The following GLIS2 variants were observed in gnomAD, a reference collection of about 807,000 sequenced individuals.
GLIS2 encodes zinc finger protein GLIS2.
Under a neutral mutation model 35.6 loss-of-function variants are expected in GLIS2, and 14 were observed. The ratio of observed to expected loss-of-function variants is 0.39; its 90% CI spans 0.26 to 0.61. The LOEUF is 0.61. Ranked by LOEUF, GLIS2 falls within the 20% of genes least tolerant of loss-of-function variation. The pLI, the probability that GLIS2 is intolerant of heterozygous loss-of-function variation, is 0.48. For missense variants in GLIS2, 675 were observed against 713.4 expected, an observed-to-expected ratio of 0.95 and a Z score of 0.61; for synonymous variants, 368 against 325.1, an observed-to-expected ratio of 1.13 and a Z score of -1.42.
At chr16:4,333,031 C>CTGACAGGG (rs1301829815) in intron 2 of GLIS2, among the ~76,000 whole-genome samples, 3 of 152,178 alleles carry the variant, frequency 2.0e-5, no homozygotes, top group Admixed American at 2.0e-4. Flanking sequence ...ACCTGCCCGT[C>CTGACAGGG]TGACAGGGAC....
In GLIS2 at chr16:4,335,549, T is replaced by C. The variant is rs979128981; in HGVS notation, c.775+156T>C. 6.6e-6 allele frequency among the ~76,000 whole-genome samples: 1 copy of C among 152,164 alleles called. No homozygotes were observed. Among genetic ancestry groups the C allele is most frequent in the Non-Finnish European group, 1.5e-5 (1 of 68,024 alleles). On this transcript the variant is annotated intron_variant, in intron 6 of 6. Coordinates refer to ENST00000433375, the MANE Select transcript of GLIS2 (RefSeq NM_032575.3). This position sits in a 1 kb window ranked among gnomAD's most constrained non-coding sequence, Gnocchi z 4.6. ...CCAGGGGTCCCTTTTCCAATGCAGT[T>C]TGCTAGGGGAAGCATCCCCTGGGGG...
At chr16:4,317,461 G>A (rs921153106) in intron 1 of GLIS2, among the ~76,000 whole-genome samples, 1 of 152,150 alleles carries the variant, frequency 6.6e-6, no homozygotes, top group Non-Finnish European at 1.5e-5. Flanking sequence ...GCGCTTCGGA[G>A]GGCCTTCCAG....
intron 3 of GLIS2, among the ~76,000 whole-genome samples, chr16:4,334,016 C>T (rs1341071469): frequency 6.6e-6 from 1 of 152,194 alleles, no homozygotes. Context: ...GATCTCAGCT[C>T]ACTGCAACCT....
chr16:4,334,708 GTC>G (rs1233195390), intron 3 of GLIS2, 91 bp from the exon 4 acceptor site: 112 of 1,466,022 alleles, frequency 7.6e-5, no homozygotes, highest in Middle Eastern at 3.5e-4. Flanking sequence ...GGACCTGAAT[GTC>G]TCTGTTTGGG....
chr16:4,337,244 C>G lies in GLIS2; in HGVS notation c.1295C>G (p.Ser432Cys). ...GAGGLGLPVV[S>C]LLAGAAGGKA... ...GGCGGACTGGGCTTGCCTGTGGTCT[C>G]CCTCCTTGCTGGCGCAGCTGGTGGC... Residue 432 changes from serine to cysteine, a missense_variant, in exon 7 of 7, where the codon TCC becomes TGC. Ser to Cys is a moderately radical substitution (Grantham distance 112). Transcript: ENST00000433375. 1 of 1,548,310 alleles carries G rather than the reference C, an allele frequency of 6.5e-7. No homozygotes were observed. The highest frequency in any genetic ancestry group is 1.4e-5 in the African/African-American group (1 of 73,132).
rs145556107 is a variant in GLIS2, at chr16:4,322,591, C to T, written c.-67+6337C>T. On this transcript the variant is annotated intron_variant, in intron 1 of 6. Transcript: ENST00000433375. ...TCACCCCATATCCATGAGGCTGACC[C>T]GGATCTGTGCCCAACCCCCTGCAGG... Among the ~76,000 whole-genome samples the T allele has an allele frequency of 7.4e-3, 1,120 of 152,280 alleles. 21 individuals are homozygous for T. The highest frequency in any genetic ancestry group is 0.025 in the African/African-American group (1,058 of 41,554).
chr16:4,333,813 T>C (rs567520201), intron 3 of GLIS2, among the ~76,000 whole-genome samples: 4 of 152,208 alleles, frequency 2.6e-5, no homozygotes, highest in East Asian at 3.9e-4. Flanking sequence ...TGGTTTCTCT[T>C]ATAAAGACAC....
intron 1 of GLIS2, among the ~76,000 whole-genome samples, chr16:4,318,648 G>A (rs1173162428): frequency 6.6e-6 from 1 of 152,178 alleles, no homozygotes; most frequent in Non-Finnish European, 1.5e-5. Flanking sequence ...CCCTTCTTGG[G>A]GCCTGGAGGG....
At chr16:4,336,659 G>A (rs2053554309) in intron 6 of GLIS2, 66 bp from the exon 7 acceptor site, 2 of 1,476,882 alleles carry the variant, frequency 1.4e-6, no homozygotes, top group East Asian at 4.9e-5. Flanking sequence ...AATGTTGAGT[G>A]CATGGGGTGA....
At chr16:4,328,256 T>C (rs2053459466) in intron 1 of GLIS2, 1 of 152,330 alleles carries the variant, frequency 6.6e-6, no homozygotes, top group Non-Finnish European at 1.5e-5. Context: ...TCATGGGCAC[T>C]CACTCAGGGT....
In GLIS2 at chr16:4,339,550, T is replaced by C. The variant is rs930254560; in HGVS notation, c.*2026T>C. 6.6e-6 allele frequency: 1 copy of C among 152,412 alleles called. No individual in the cohort carries two copies. The highest frequency in any genetic ancestry group is 2.4e-5 in the African/African-American group (1 of 41,446). The allele number at this position is 152,412 out of a possible 1,614,324, so 9.4% of individuals were successfully genotyped here. A position where few individuals can be genotyped will look rare whatever the true frequency, so the allele number is the denominator to read the frequency against. On this transcript the variant is annotated 3_prime_UTR_variant, in exon 7 of 7. Transcript: ENST00000433375. ...ATGACTATAACAATATATTCCTCCATGGGAGAGGAAGTTTATAAAGAAACA... is the reference window on the plus strand; with the variant it reads ...ATGACTATAACAATATATTCCTCCACGGGAGAGGAAGTTTATAAAGAAACA...
chr16:4,335,201 G>A lies in GLIS2; in HGVS notation c.656+8G>A. ...CCGAGGTTTCAACGCCAGGTGAGGT[G>A]GGGGAGAGAGGGGTAGAGGGAGGAC... On this transcript the variant is annotated splice_region_variant and intron_variant, in intron 5 of 6. Coordinates refer to ENST00000433375, the MANE Select transcript of GLIS2 (RefSeq NM_032575.3). The surrounding 1 kb of genome is among the most constrained non-coding windows in gnomAD (Gnocchi z 4.6). 1 of 1,613,502 alleles carries A rather than the reference G, an allele frequency of 6.2e-7. No homozygotes were observed. Among genetic ancestry groups the A allele is most frequent in the South Asian group, 1.1e-5 (1 of 91,090 alleles).
At position 4,332,358 on chromosome 16, in the gene GLIS2, G is replaced by A. The variant is rs2053506200; in HGVS notation, c.78G>A (p.Arg26=). 1 of 1,613,144 alleles carries A rather than the reference G, an allele frequency of 6.2e-7. No individual in the cohort carries two copies. The highest frequency in any genetic ancestry group is 8.5e-7 in the Non-Finnish European group (1 of 1,180,022). ...KLRAAREKRE[R]TLGVVRPRAL... ...GGGCGGCAAGAGAGAAGCGGGAGAG[G>A]ACGCTGGGTGTGGTCCGGCCCCGTG... The change falls in exon 2 of 7, where the codon AGG becomes AGA. Residue 26 remains arginine (R), a synonymous_variant. Coordinates refer to ENST00000433375, the MANE Select transcript of GLIS2 (RefSeq NM_032575.3). This position sits in a 1 kb window ranked among gnomAD's most constrained non-coding sequence, Gnocchi z 5.4.
intron 1 of GLIS2, among the ~76,000 whole-genome samples, chr16:4,319,825 CCTGGGTGAGG>C (rs1283140439): frequency 6.6e-6 from 1 of 152,158 alleles, no homozygotes. Flanking sequence ...CGGCTTAGCC[CCTGGGTGAGG>C]CTGGGCAGGC....
intron 1 of GLIS2, among the ~76,000 whole-genome samples, chr16:4,323,579 C>T (rs56319782): frequency 0.011 from 1,697 of 152,278 alleles, 50 homozygotes; most frequent in East Asian, 0.096. Flanking sequence ...CGTGTGTGTG[C>T]CGGGGCTCCC....
chr16:4,319,248 G>A (rs1398995783), intron 1 of GLIS2, among the ~76,000 whole-genome samples: 1 of 152,168 alleles, frequency 6.6e-6, no homozygotes, highest in African/African-American at 2.4e-5. Context: ...GACCACAGGG[G>A]AACCCCGGAA....
chr16:4,337,372 C>G lies in GLIS2; in HGVS notation c.1423C>G (p.Pro475Ala). The part of the protein sequence containing the change: ...LERTESSCSR[P>A]SPDGLPLLPG... ...AAGGACGGAGAGCAGCTGCTCCCGG[C>G]CAAGCCCCGATGGACTCCCCCTGCT... The change falls in exon 7 of 7, where the codon CCA becomes GCA. Residue 475 changes from proline to alanine, a missense_variant. Transcript: ENST00000433375. The G allele has an allele frequency of 6.3e-7, 1 of 1,593,192 alleles. No individual in the cohort carries two copies. The highest frequency in any genetic ancestry group is 1.1e-5 in the South Asian group (1 of 87,890).
chr16:4,327,141 G>C (rs577266265), intron 1 of GLIS2, among the ~76,000 whole-genome samples: 1 of 151,276 alleles, frequency 6.6e-6, no homozygotes, highest in South Asian at 2.1e-4. Context: ...GGATTCTCCT[G>C]CCTCGGCCTC....
intron 2 of GLIS2, 66 bp from the exon 3 acceptor site, chr16:4,333,281 G>A (rs573859963): frequency 6.3e-7 from 1 of 1,583,884 alleles, no homozygotes; most frequent in East Asian, 2.2e-5. Context: ...GGGGTTCGGA[G>A]GCAGGAGTAC....
Sources: allele counts gnomAD v4.1 joint callset (sites outside exome capture counted in the v4.1 genomes callset), GRCh38; gene constraint gnomAD v4.1.1; non-coding constraint Gnocchi (gnomAD v3.1); transcripts MANE v1.5; gene names NCBI Gene and HGNC (gene_info 2026-07-23, HGNC 2026-07-21).